The following PURG variants were observed in gnomAD, a reference collection of about 807,000 sequenced individuals.
PURG encodes the protein purine-rich element-binding protein gamma.
In PURG, 3 loss-of-function variants were observed where a neutral mutation model predicts 24.3. The observed-to-expected ratio is 0.12, with a 90% CI of 0.06 to 0.32. The LOEUF (loss-of-function observed/expected upper bound fraction) is 0.32, where lower values mean the gene tolerates loss of function less well. PURG is among the 10% of genes least tolerant of loss of function. The pLI is 1.00. For missense variants in PURG, 371 were observed against 439.1 expected (o/e 0.84, Z 1.39); for synonymous variants, 180 against 173.1 (o/e 1.04, Z -0.31).
At chr8:31,030,636 TA>T (rs1811176081), downstream of PURG, among the ~76,000 whole-genome samples, 1 of 151,784 alleles carries the variant, frequency 6.6e-6, no homozygotes, top group Non-Finnish European at 1.5e-5. Context: ...ATTTGTATTC[TA>T]AATTATTTTT....
chr8:31,001,044 C>T (rs998714657), intron 1 of PURG, among the ~76,000 whole-genome samples: 82 of 152,138 alleles, frequency 5.4e-4, no homozygotes, highest in African/African-American at 1.8e-3. Flanking sequence ...GAAATACTTC[C>T]GATAAACATT....
intron 1 of PURG, among the ~76,000 whole-genome samples, chr8:30,997,579 G>A (rs983631888): frequency 5.3e-5 from 8 of 151,240 alleles, no homozygotes; most frequent in Non-Finnish European, 1.0e-4. Flanking sequence ...AATTAGAGAT[G>A]GAAAAATGGC....
At chr8:31,018,204 T>G (rs1024258727) in intron 1 of PURG, among the ~76,000 whole-genome samples, 1 of 152,234 alleles carries the variant, frequency 6.6e-6, no homozygotes, top group Non-Finnish European at 1.5e-5. Context: ...ATTTCTTTTC[T>G]TTATATGTTT....
chr8:31,016,577 GAACCAAAAAAAAAAAAA>G (rs1251316990), intron 1 of PURG, among the ~76,000 whole-genome samples: 1 of 37,330 alleles, frequency 2.7e-5, no homozygotes, highest in Non-Finnish European at 5.2e-5. Context: ...AGTCTACCAA[GAACCAAAAAAAAAAAAA>G]AAAAAAAAAA....
At chr8:31,023,257 A>G (rs1219936786) in intron 1 of PURG, among the ~76,000 whole-genome samples, 1 of 152,238 alleles carries the variant, frequency 6.6e-6, no homozygotes, top group Non-Finnish European at 1.5e-5. Flanking sequence ...ACCAGGGCAA[A>G]GATTAGTTAT....
downstream of PURG, among the ~76,000 whole-genome samples, chr8:31,028,723 C>T (rs2129846780): frequency 6.6e-6 from 1 of 151,900 alleles, no homozygotes; most frequent in South Asian, 2.1e-4. Context: ...TTGCATAAAG[C>T]AACAGATTAG....
chr8:30,997,292 G>GCAT (rs1174679037), intron 1 of PURG, among the ~76,000 whole-genome samples: 2 of 151,714 alleles, frequency 1.3e-5, no homozygotes, highest in African/African-American at 4.8e-5. Flanking sequence ...AAAATATTTA[G>GCAT]CATCACAGAG....
downstream of PURG, among the ~76,000 whole-genome samples, chr8:31,026,385 G>A (rs1811089147): frequency 6.6e-6 from 1 of 151,422 alleles, no homozygotes; most frequent in Admixed American, 6.6e-5. Flanking sequence ...AAACTAGTAG[G>A]ATGAACTGAA....
chr8:30,998,746 C>T (rs1435539732), intron 1 of PURG, among the ~76,000 whole-genome samples: 3 of 151,704 alleles, frequency 2.0e-5, no homozygotes, highest in Admixed American at 6.6e-5. Context: ...GCAGCCAATG[C>T]CCCTCAGAAA....
At position 31,021,250 on chromosome 8, in the gene PURG, C is replaced by T. The variant is rs529298172; in HGVS notation, c.864+10669G>A. 2.4e-4 allele frequency among the ~76,000 whole-genome samples: 37 copies of T among 152,216 alleles called. No homozygotes were observed. The South Asian group carries it at 2.5e-3, about 10-fold the overall frequency. ...AAGATTTATTTTGAAACTAAGATAACGTAACCAGTTGTTTTTGGTTCATGA... is the reference window on the plus strand; with the variant it reads ...AAGATTTATTTTGAAACTAAGATAATGTAACCAGTTGTTTTTGGTTCATGA... On this transcript the variant is annotated intron_variant, in intron 1 of 1. Coordinates refer to the PURG transcript ENST00000339382.
chr8:31,025,401 T>C (rs1811071726), intron 1 of PURG, among the ~76,000 whole-genome samples: 1 of 151,936 alleles, frequency 6.6e-6, no homozygotes, highest in Non-Finnish European at 1.5e-5. Flanking sequence ...CAACACCTCT[T>C]TCATTTTGTA....
chr8:31,016,225 C>A (rs1563307042), intron 1 of PURG, among the ~76,000 whole-genome samples: 1 of 151,548 alleles, frequency 6.6e-6, no homozygotes, highest in African/African-American at 2.4e-5. Context: ...ATCAAAAATA[C>A]AAAAATTAGC....
chr8:31,010,784 G>A (rs1810747742), intron 1 of PURG, among the ~76,000 whole-genome samples: 1 of 151,552 alleles, frequency 6.6e-6, no homozygotes, highest in South Asian at 2.1e-4. Context: ...GGTAAAATGA[G>A]GTATAATAGA....
At chr8:31,019,086 T>C (rs369445142) in intron 1 of PURG, among the ~76,000 whole-genome samples, 1 of 106,954 alleles carries the variant, frequency 9.3e-6, no homozygotes, top group Non-Finnish European at 1.7e-5. Context: ...ATCGCGCCAC[T>C]GCACTCCAGC....
chr8:30,996,552 G>T lies in PURG; in HGVS notation c.*41C>A. On this transcript the variant is annotated 3_prime_UTR_variant, in exon 2 of 2. Coordinates refer to the PURG transcript ENST00000339382. ...TGAACTTCAGTTCATTTCTTTCACC[G>T]AATGCCTTTATTCTGAGGTGTAACA... 2.8e-6 allele frequency: 4 copies of T among 1,431,456 alleles called. No homozygotes were observed. The East Asian group carries it at 6.9e-5, about 25-fold the overall frequency. 88.7% of individuals were successfully genotyped at this position (1,431,456 alleles called of 1,614,324 possible).
At chr8:30,997,194 G>A (rs1490634499) in intron 1 of PURG, among the ~76,000 whole-genome samples, 3 of 151,752 alleles carry the variant, frequency 2.0e-5, no homozygotes, top group African/African-American at 4.8e-5. Flanking sequence ...TAATACATGC[G>A]TTTATTTGTT....
chr8:31,018,830 TTATA>T lies in PURG; in HGVS notation c.864+13085_864+13088del, dbSNP rs556424244. Among the ~76,000 whole-genome samples the T allele has an allele frequency of 1.4e-3, 210 of 152,150 alleles. 1 individual carries two copies. The highest frequency in any genetic ancestry group is 4.9e-3 in the African/African-American group (205 of 41,520). On this transcript the variant is annotated intron_variant, in intron 1 of 1. Transcript: ENST00000339382. Reference sequence around the variant, plus strand: ...TCCACTAGAATGACAGCATTAAGGTTTATATATAGTTATAGATATTATATAGATT... The same window carrying T: ...TCCACTAGAATGACAGCATTAAGGTTTATAGTTATAGATATTATATAGATT...
At chr8:31,019,040 CA>C (rs1810927446) in intron 1 of PURG, among the ~76,000 whole-genome samples, 3 of 134,062 alleles carry the variant, frequency 2.2e-5, no homozygotes, top group Admixed American at 1.6e-4. Context: ...AGGAGAATGG[CA>C]TGAACCCGGG....
At chr8:31,014,232 T>C (rs1356847163) in intron 1 of PURG, among the ~76,000 whole-genome samples, 2 of 152,218 alleles carry the variant, frequency 1.3e-5, no homozygotes, top group Non-Finnish European at 2.9e-5. Flanking sequence ...GTTATCATTA[T>C]CCAAGAGTCA....
Sources: allele counts gnomAD v4.1 joint callset (sites outside exome capture counted in the v4.1 genomes callset), GRCh38; gene constraint gnomAD v4.1.1; transcripts MANE v1.5; gene names NCBI Gene and HGNC (gene_info 2026-07-23, HGNC 2026-07-21).